TASP1: variants seen among roughly 807,000 people sequenced by gnomAD.
TASP1 encodes the protein threonine aspartase 1.
In TASP1, 16 loss-of-function variants were observed where a neutral mutation model predicts 56.6. The observed-to-expected ratio is 0.28, with a 90% CI of 0.19 to 0.43. The LOEUF (loss-of-function observed/expected upper bound fraction) is 0.43. TASP1 is among the 20% of genes least tolerant of loss of function. The pLI is 1.00. For missense variants in TASP1, 393 were observed against 511.6 expected (o/e 0.77, Z 2.24); for synonymous variants, 179 against 184.2 (o/e 0.97, Z 0.23).
At chr20:13,475,680 A>G (rs1367426089) in intron 11 of TASP1, among the ~76,000 whole-genome samples, 1 of 152,104 alleles carries the variant, frequency 6.6e-6, no homozygotes, top group Non-Finnish European at 1.5e-5. Flanking sequence ...GGATCACCTG[A>G]GGTCAGGAGT....
chr20:13,221,947 C>T, the TASP1 span: 1 of 1,310,354 alleles, frequency 7.6e-7, no homozygotes, highest in Non-Finnish European at 9.7e-7. Flanking sequence ...CCGTGCGCGG[C>T]TGCGGGGACG....
chr20:13,284,605 G>A, the TASP1 span, among the ~76,000 whole-genome samples: 54 of 152,308 alleles, frequency 3.5e-4, no homozygotes, highest in East Asian at 7.7e-4. Context: ...AGAAATGCCC[G>A]TTCTGTTCTT....
intron 9 of TASP1, among the ~76,000 whole-genome samples, 158 bp from the exon 10 acceptor site, chr20:13,528,669 G>A (rs1162467174): frequency 6.6e-6 from 1 of 152,146 alleles, no homozygotes; most frequent in Admixed American, 6.6e-5. Flanking sequence ...CGCACACGAT[G>A]CTTTTAATAC....
chr20:13,395,141 C>T (rs2123602406), intron 13 of TASP1, among the ~76,000 whole-genome samples: 1 of 152,330 alleles, frequency 6.6e-6, no homozygotes, highest in South Asian at 2.1e-4. Context: ...AGAGAGAGAT[C>T]ATTGGAGGCA....
intron 10 of TASP1, among the ~76,000 whole-genome samples, chr20:13,498,711 A>T (rs2043829615): frequency 6.6e-6 from 1 of 151,808 alleles, no homozygotes; most frequent in Non-Finnish European, 1.5e-5. Context: ...AAAATGTTCA[A>T]CATCGCTACT....
chr20:13,439,311 G>A (rs1367901285), intron 11 of TASP1, among the ~76,000 whole-genome samples: 2 of 152,142 alleles, frequency 1.3e-5, no homozygotes, highest in African/African-American at 4.8e-5. Context: ...ATACACCATG[G>A]AATACTATGC....
chr20:13,126,185 A>G, the TASP1 span, among the ~76,000 whole-genome samples: 3 of 152,268 alleles, frequency 2.0e-5, no homozygotes, highest in East Asian at 3.9e-4. Flanking sequence ...TTATTCTACC[A>G]TGCTTGTTCA....
At chr20:13,278,203 G>A in the TASP1 span, among the ~76,000 whole-genome samples, 2 of 152,172 alleles carry the variant, frequency 1.3e-5, no homozygotes, top group East Asian at 1.9e-4. Flanking sequence ...GTCTCTCTAC[G>A]TTGATTGTCT....
chr20:13,423,801 T>TAAAAA (rs2042527912), intron 12 of TASP1, among the ~76,000 whole-genome samples: 1 of 152,172 alleles, frequency 6.6e-6, no homozygotes, highest in Admixed American at 6.5e-5. Context: ...TCTAAAAATC[T>TAAAAA]TGATTACCCT....
intron 4 of TASP1, among the ~76,000 whole-genome samples, chr20:13,603,586 C>T (rs2048039705): frequency 6.6e-6 from 1 of 152,056 alleles, no homozygotes; most frequent in Non-Finnish European, 1.5e-5. Flanking sequence ...AATCAAACCA[C>T]AGTCTGGGAG....
rs375245514 is a variant in TASP1 at position 13,509,525 on chromosome 20, T to C, written c.874+18908A>G. ...CAAAAAAGGTAACTATGTGAGTTGATGGATTATGTTAATTAGTTTGATTGT... is the reference window on the plus strand; with the variant it reads ...CAAAAAAGGTAACTATGTGAGTTGACGGATTATGTTAATTAGTTTGATTGT... On this transcript the variant is annotated intron_variant, in intron 10 of 13. Coordinates refer to ENST00000337743, the MANE Select transcript of TASP1 (RefSeq NM_017714.3). 5.3e-5 allele frequency among the ~76,000 whole-genome samples: 8 copies of C among 152,328 alleles called. No individual in the cohort carries two copies. The East Asian group carries it at 1.3e-3, about 26-fold the overall frequency.
chr20:13,387,445 T>A (rs1002356635), downstream of TASP1, among the ~76,000 whole-genome samples: 1 of 152,148 alleles, frequency 6.6e-6, no homozygotes, highest in Non-Finnish European at 1.5e-5. Context: ...CACCTTGGTC[T>A]CCCAAAGTGC....
chr20:13,551,310 C>T (rs1181991675), intron 8 of TASP1, among the ~76,000 whole-genome samples: 1 of 152,116 alleles, frequency 6.6e-6, no homozygotes, highest in African/African-American at 2.4e-5. Context: ...GTAAGTACTG[C>T]TTTACCTAAA....
At chr20:13,315,939 T>C in the TASP1 span, among the ~76,000 whole-genome samples, 1 of 151,922 alleles carries the variant, frequency 6.6e-6, no homozygotes, top group Non-Finnish European at 1.5e-5. Flanking sequence ...TTAAACACTT[T>C]GAACTAAATG....
At chr20:13,188,544 C>T in the TASP1 span, among the ~76,000 whole-genome samples, 1 of 151,964 alleles carries the variant, frequency 6.6e-6, no homozygotes, top group Non-Finnish European at 1.5e-5. Context: ...AGGACATAAA[C>T]AAATGGAAAG....
the TASP1 span, among the ~76,000 whole-genome samples, chr20:13,142,484 T>C: frequency 6.6e-6 from 1 of 152,214 alleles, no homozygotes; most frequent in African/African-American, 2.4e-5. Flanking sequence ...TTTTCCTTCC[T>C]ACAGCTGGGG....
At chr20:13,267,658 C>CATCA in the TASP1 span, among the ~76,000 whole-genome samples, 480 of 152,288 alleles carry the variant, frequency 3.2e-3, no homozygotes, top group Admixed American at 5.3e-3. Context: ...TCAAGAGTCA[C>CATCA]ATCAATCAAT....
the TASP1 span, among the ~76,000 whole-genome samples, chr20:13,192,532 C>T: frequency 4.3e-4 from 66 of 152,044 alleles, no homozygotes; most frequent in Non-Finnish European, 8.1e-4. Context: ...AAGACCCTAT[C>T]TCAAAACACA....
chr20:13,583,550 T>C (rs1386489349), intron 5 of TASP1, among the ~76,000 whole-genome samples: 2 of 152,266 alleles, frequency 1.3e-5, no homozygotes, highest in African/African-American at 4.8e-5. Context: ...TTCTGTCTTC[T>C]AGTTTTACCC....
Sources: gnomAD v4.1 joint callset for allele counts (sites outside exome capture counted in the v4.1 genomes callset) on GRCh38, gnomAD v4.1.1 for gene constraint, MANE v1.5 for transcripts, NCBI Gene and HGNC (gene_info 2026-07-23, HGNC 2026-07-21) for gene names.